GAS2L3: variants seen among roughly 807,000 people sequenced by gnomAD.
GAS2L3 encodes growth arrest specific 2 like 3.
A neutral mutation model predicts 37.0 loss-of-function variants in GAS2L3; 28 were observed. That is an observed-to-expected ratio of 0.76 (90% CI 0.56 to 1.04). The LOEUF is 1.04. Ranked by LOEUF, GAS2L3 falls within the 50% of genes least tolerant of loss-of-function variation. The pLI is 0.00. For missense variants in GAS2L3, 793 were observed against 817.6 expected, an observed-to-expected ratio of 0.97 and a Z score of 0.37; for synonymous variants, 290 against 296.6, an observed-to-expected ratio of 0.98 and a Z score of 0.23.
intron 5 of GAS2L3, among the ~76,000 whole-genome samples, chr12:100,602,534 A>G (rs1956004623): frequency 6.6e-6 from 1 of 151,956 alleles, no homozygotes; most frequent in South Asian, 2.1e-4. Context: ...AGGTATATAT[A>G]TTTATGGGGT....
chr12:100,584,236 T>C (rs1234341654), intron 1 of GAS2L3, among the ~76,000 whole-genome samples: 1 of 152,142 alleles, frequency 6.6e-6, no homozygotes, highest in East Asian at 1.9e-4. Context: ...ATTCAAGGGC[T>C]AAAGATATAA....
At position 100,626,454 on chromosome 12, in the gene GAS2L3, G is replaced by T. The variant is rs539336910; in HGVS notation, c.*1564G>T. The T allele has an allele frequency of 1.3e-5, 2 of 152,184 alleles. No homozygotes were observed. Among genetic ancestry groups the T allele is most frequent in the Non-Finnish European group, 2.9e-5 (2 of 68,020 alleles). 9.4% of individuals were successfully genotyped at this position (152,184 alleles called of 1,614,324 possible). ...AAATACTTGGTTTAACTCGACTATT[G>T]ACTTGGGCATTGAGAGAGATGATAT... On this transcript the variant is annotated 3_prime_UTR_variant, in exon 10 of 10. Transcript: ENST00000547754.
At chr12:100,579,852 T>C (rs943605524) in intron 1 of GAS2L3, 13 of 744,060 alleles carry the variant, frequency 1.7e-5, no homozygotes, top group Non-Finnish European at 3.0e-5. Context: ...GTCAGGGGCA[T>C]TGCTGGCTCC....
chr12:100,579,073 G>A, intron 1 of GAS2L3: 1 of 742,400 alleles, frequency 1.3e-6, no homozygotes, highest in Non-Finnish European at 2.5e-6. Context: ...TTCACAGTCT[G>A]CCATTGCTCA....
chr12:100,580,398 C>T (rs1955695855), intron 1 of GAS2L3, among the ~76,000 whole-genome samples: 1 of 152,048 alleles, frequency 6.6e-6, no homozygotes, highest in Non-Finnish European at 1.5e-5. Flanking sequence ...AGAAACCTTG[C>T]ACTTATTTAA....
At chr12:100,589,833 C>G (rs1415436838) in intron 1 of GAS2L3, among the ~76,000 whole-genome samples, 1 of 152,100 alleles carries the variant, frequency 6.6e-6, no homozygotes, top group African/African-American at 2.4e-5. Context: ...GAAAGGACAC[C>G]CTTTTCAACA....
At chr12:100,589,860 T>A (rs1408140335) in intron 1 of GAS2L3, among the ~76,000 whole-genome samples, 1 of 152,120 alleles carries the variant, frequency 6.6e-6, no homozygotes, top group South Asian at 2.1e-4. Context: ...GCCGGGATAA[T>A]TGGCTAGCCA....
At chr12:100,594,768 C>T (rs1955889332) in intron 2 of GAS2L3, 107 bp from the exon 3 acceptor site, 2 of 381,874 alleles carry the variant, frequency 5.2e-6, no homozygotes, top group East Asian at 3.9e-5. Context: ...AAAAGTTTTG[C>T]GTTTGCAGTC....
intron 3 of GAS2L3, among the ~76,000 whole-genome samples, chr12:100,597,665 G>A (rs1955930683): frequency 6.6e-6 from 1 of 151,014 alleles, no homozygotes; most frequent in South Asian, 2.1e-4. Flanking sequence ...CCCTACCCCT[G>A]CATGCTTCTT....
rs191501974 is a variant in GAS2L3, at chr12:100,600,570, C to T, written c.187+20C>T. ...TATTAGGTGAGGCTTGAAACAATAC[C>T]CAAAATTGTATTATCTTATTCAATA... On this transcript the variant is annotated intron_variant, in intron 4 of 9. Transcript: ENST00000547754. The T allele has an allele frequency of 6.4e-5, 101 of 1,587,908 alleles. No homozygotes were observed. In the African/African-American group the frequency reaches 1.3e-3, roughly 20 times the overall value.
In GAS2L3 at chr12:100,624,013, C is replaced by G; in HGVS notation, c.1208C>G (p.Ser403Ter). Reference sequence around the variant, plus strand: ...CCGCAGGCTCCTTCAAACAATGCATCATCTTCACTTGCTTCATTAAATCCA... The same window carrying G: ...CCGCAGGCTCCTTCAAACAATGCATGATCTTCACTTGCTTCATTAAATCCA... ...KKPQAPSNNA[S>*]SSLASLNPVG... Residue 403 changes from serine (S) to a stop codon, truncating the protein, a stop_gained, in exon 10 of 10, where the codon TCA becomes TGA. Transcript: ENST00000547754. LOFTEE classifies it low-confidence loss of function (END_TRUNC). 1 of 1,614,032 alleles carries G rather than the reference C, an allele frequency of 6.2e-7. No homozygotes were observed. The highest frequency in any genetic ancestry group is 8.5e-7 in the Non-Finnish European group (1 of 1,179,994).
chr12:100,616,411 GT>G (rs534639642), intron 6 of GAS2L3, among the ~76,000 whole-genome samples: 166 of 151,966 alleles, frequency 1.1e-3, no homozygotes, highest in Middle Eastern at 0.01. Context: ...TATGTTACCT[GT>G]TTTTTGTTTT....
intron 1 of GAS2L3, chr12:100,578,838 C>G: frequency 1.4e-6 from 1 of 705,654 alleles, no homozygotes; most frequent in South Asian, 1.5e-5. Context: ...AGAACCCATA[C>G]CCATAATATA....
At chr12:100,622,441 T>G (rs1294309604) in intron 9 of GAS2L3, 59 bp downstream of exon 9, 2 of 851,316 alleles carry the variant, frequency 2.3e-6, no homozygotes, top group Non-Finnish European at 3.8e-6. Context: ...TTGGATTTAT[T>G]GCTTTACTAA....
At chr12:100,583,630 C>A (rs1565797220) in intron 1 of GAS2L3, among the ~76,000 whole-genome samples, 1 of 152,166 alleles carries the variant, frequency 6.6e-6, no homozygotes, top group Non-Finnish European at 1.5e-5. Context: ...TGCCACCATG[C>A]CGACTAATTT....
chr12:100,609,413 C>T (rs1956098962), intron 5 of GAS2L3, among the ~76,000 whole-genome samples: 2 of 152,310 alleles, frequency 1.3e-5, no homozygotes, highest in South Asian at 4.1e-4. Flanking sequence ...CAAGGCAGCA[C>T]TGAGTTCAGT....
intron 6 of GAS2L3, among the ~76,000 whole-genome samples, chr12:100,612,745 A>C (rs1383945142): frequency 1.3e-5 from 2 of 152,176 alleles, no homozygotes; most frequent in Non-Finnish European, 2.9e-5. Flanking sequence ...ACATACACAC[A>C]CACACCCACC....
intron 6 of GAS2L3, 54 bp from the exon 7 acceptor site, chr12:100,617,690 T>C (rs886406587): frequency 9.5e-7 from 1 of 1,057,722 alleles, no homozygotes; most frequent in African/African-American, 1.6e-5. Flanking sequence ...ATGCCAGAAA[T>C]ATGTTTCCAT....
At chr12:100,597,174 CT>C (rs1955923124) in intron 3 of GAS2L3, among the ~76,000 whole-genome samples, 1 of 152,102 alleles carries the variant, frequency 6.6e-6, no homozygotes, top group South Asian at 2.1e-4. Flanking sequence ...TTATGCCCTT[CT>C]TTCCTTGACA....
Sources: gnomAD v4.1 joint callset for allele counts (sites outside exome capture counted in the v4.1 genomes callset) on GRCh38, gnomAD v4.1.1 for gene constraint, MANE v1.5 for transcripts, NCBI Gene and HGNC (gene_info 2026-07-23, HGNC 2026-07-21) for gene names.